AKAP13: variants seen among roughly 807,000 people sequenced by gnomAD.
AKAP13 encodes the protein A-kinase anchor protein 13.
AKAP13 carries 80 observed loss-of-function variants against 264.5 expected under a neutral mutation model. The observed-to-expected ratio is 0.30, with a 90% CI of 0.25 to 0.36. The LOEUF (loss-of-function observed/expected upper bound fraction) is 0.36. Ranked by LOEUF, AKAP13 falls within the 10% of genes least tolerant of loss-of-function variation. The pLI, the probability that AKAP13 is intolerant of heterozygous loss-of-function variation, is 1.00. For missense variants in AKAP13, 3,712 were observed against 3,435.2 expected, an observed-to-expected ratio of 1.08 and a Z score of -2.01; for synonymous variants, 1,380 against 1,250.2, an observed-to-expected ratio of 1.10 and a Z score of -2.19.
intron 5 of AKAP13, among the ~76,000 whole-genome samples, chr15:85,556,109 A>C (rs2151247154): frequency 6.6e-6 from 1 of 152,326 alleles, no homozygotes; most frequent in African/African-American, 2.4e-5. Flanking sequence ...TGGCCGTTTC[A>C]CTTACAGCTG....
At chr15:85,489,607 G>C (rs1385153296) in intron 2 of AKAP13, among the ~76,000 whole-genome samples, 1 of 152,156 alleles carries the variant, frequency 6.6e-6, no homozygotes, top group Non-Finnish European at 1.5e-5. Context: ...GATCATATTT[G>C]GGATCTGCCA....
intron 1 of AKAP13, among the ~76,000 whole-genome samples, chr15:85,420,102 C>T (rs1292685444): frequency 8.0e-5 from 12 of 150,894 alleles, no homozygotes; most frequent in South Asian, 2.1e-4. Flanking sequence ...CCACTACGCC[C>T]GGCTAATTTT....
chr15:85,606,678 G>C (rs1207891070), intron 8 of AKAP13, among the ~76,000 whole-genome samples: 6 of 152,180 alleles, frequency 3.9e-5, no homozygotes, highest in African/African-American at 1.4e-4. Flanking sequence ...CAGTTGAAGA[G>C]ATCTTAAAGA....
At chr15:85,739,098 T>G (rs2088769913) in intron 33 of AKAP13, among the ~76,000 whole-genome samples, 1 of 152,238 alleles carries the variant, frequency 6.6e-6, no homozygotes, top group Non-Finnish European at 1.5e-5. Flanking sequence ...GTCTTTGTGA[T>G]AGTTAACCGT....
intron 10 of AKAP13, among the ~76,000 whole-genome samples, chr15:85,650,791 C>CAAAAAAAAAAAAAAA (rs1191739643): frequency 3.1e-5 from 2 of 65,150 alleles, no homozygotes; most frequent in Non-Finnish European, 6.1e-5. Flanking sequence ...AAAAAAAAAA[C>CAAAAAAAAAAAAAAA]AACAAAAACT....
chr15:85,452,741 T>C, intron 1 of AKAP13, among the ~76,000 whole-genome samples: 1 of 152,184 alleles, frequency 6.6e-6, no homozygotes, highest in East Asian at 1.9e-4. Context: ...GTGGCTCCCC[T>C]ATGTTTCCTC....
At chr15:85,477,637 GA>G (rs1309806715) in intron 1 of AKAP13, among the ~76,000 whole-genome samples, 1,986 of 49,762 alleles carry the variant, frequency 0.04, 15 homozygotes, top group African/African-American at 0.07. Flanking sequence ...TTAAAAAAAG[GA>G]AAAAAAAAAA....
At chr15:85,682,024 A>AAGG (rs2151603729) in intron 14 of AKAP13, 134 bp from the exon 15 acceptor site, 2 of 749,790 alleles carry the variant, frequency 2.7e-6, no homozygotes, top group South Asian at 3.2e-5. Context: ...AAACCTTTAG[A>AAGG]AGGAGGAGGT....
intron 8 of AKAP13, among the ~76,000 whole-genome samples, chr15:85,588,315 C>A (rs1410943488): frequency 6.6e-6 from 1 of 152,170 alleles, no homozygotes; most frequent in Non-Finnish European, 1.5e-5. Context: ...GCCTGGGTGG[C>A]TACTTGTAAA....
intron 30 of AKAP13, among the ~76,000 whole-genome samples, chr15:85,733,878 T>C (rs913095785): frequency 6.1e-4 from 88 of 143,110 alleles, no homozygotes; most frequent in African/African-American, 1.3e-3. Context: ...CTTTTCTTTT[T>C]TTTTTTTTTT....
Position 85,662,156 on chromosome 15 carries a change from C to G in AKAP13, c.4800-2407C>G, listed in dbSNP as rs183499250. 3.0e-4 allele frequency among the ~76,000 whole-genome samples: 46 copies of G among 152,240 alleles called. 1 individual carries two copies. In the South Asian group the frequency reaches 8.7e-3, roughly 29 times the overall value. ...TTGAACTGGTGATACTGTAAAGAAC[C>G]CACAGTCTTTTTCCACAATGCTGTC... On this transcript the variant is annotated intron_variant, in intron 12 of 36. Transcript: ENST00000394518.
rs140056616 is a variant in AKAP13 at position 85,579,167 on chromosome 15, C to G, written c.1099C>G (p.Arg367Gly). The change falls in exon 7 of 37, where the codon CGT becomes GGT. Residue 367 changes from arginine (R) to glycine (G), a missense_variant. Transcript: ENST00000394518. ...CATAGTTGAGGAGGAGAATACAGAC[C>G]GTTCCTGTAGGAAGAAAAATAAAGG... is the stretch of plus-strand genomic sequence containing the variant. ...SSIVEEENTD[R>G]SCRKKNKGVE... is the part of the protein sequence containing the mutation. 1.0e-4 allele frequency: 164 copies of G among 1,614,108 alleles called. 1 individual carries two copies. The South Asian group carries it at 1.6e-3, about 16-fold the overall frequency.
intron 8 of AKAP13, among the ~76,000 whole-genome samples, chr15:85,630,770 C>T (rs1306414406): frequency 6.6e-6 from 1 of 151,832 alleles, no homozygotes; most frequent in African/African-American, 2.4e-5. Flanking sequence ...ACTGTGGTAG[C>T]TACAATAAGA....
At chr15:85,396,746 T>C (rs574866722) in intron 1 of AKAP13, among the ~76,000 whole-genome samples, 1 of 152,324 alleles carries the variant, frequency 6.6e-6, no homozygotes, top group East Asian at 1.9e-4. Flanking sequence ...TAGCCTGTTT[T>C]CCTTTCAGCA....
At chr15:85,611,722 G>C (rs551744271) in intron 8 of AKAP13, among the ~76,000 whole-genome samples, 1 of 152,138 alleles carries the variant, frequency 6.6e-6, no homozygotes, top group Non-Finnish European at 1.5e-5. Flanking sequence ...CTATTGTAGC[G>C]ACAATACACT....
In AKAP13 at chr15:85,744,995, A is replaced by AAGGCTGAAAGAGTGT. The variant is rs1461380688; in HGVS notation, c.*320_*334dup. On this transcript the variant is annotated 3_prime_UTR_variant, in exon 37 of 37. Coordinates refer to ENST00000394518, the MANE Select transcript of AKAP13 (RefSeq NM_007200.5). ...GTTTTGGACACGTCAGGAATTCCTA[A>AAGGCTGAAAGAGTGT]AGGCTGAAAGAGTGTATCCAAGTAA... The AAGGCTGAAAGAGTGT allele has an allele frequency of 3.9e-6, 1 of 253,722 alleles. No homozygotes were observed. Among genetic ancestry groups the AAGGCTGAAAGAGTGT allele is most frequent in the Non-Finnish European group, 7.6e-6 (1 of 132,224 alleles). The allele number at this position is 253,722 out of a possible 1,614,324, so 15.7% of individuals were successfully genotyped here.
chr15:85,645,765 T>C, intron 9 of AKAP13, 53 bp from the exon 10 acceptor site: 1 of 1,488,174 alleles, frequency 6.7e-7, no homozygotes, highest in East Asian at 2.4e-5. Context: ...TTTTGTTTTT[T>C]GGTTTTTTTG....
At chr15:85,396,767 A>G (rs1361541587) in intron 1 of AKAP13, among the ~76,000 whole-genome samples, 2 of 152,186 alleles carry the variant, frequency 1.3e-5, no homozygotes, top group African/African-American at 4.8e-5. Context: ...GAGTAATTGC[A>G]GAAATAGGAC....
intron 5 of AKAP13, among the ~76,000 whole-genome samples, chr15:85,566,750 C>G (rs1312601643): frequency 6.6e-6 from 1 of 150,658 alleles, no homozygotes; most frequent in African/African-American, 2.4e-5. Context: ...CCTCAGACTT[C>G]TGAGTAGCTG....
Sources: allele counts gnomAD v4.1 joint callset (sites outside exome capture counted in the v4.1 genomes callset), GRCh38; gene constraint gnomAD v4.1.1; transcripts MANE v1.5; gene names NCBI Gene and HGNC (gene_info 2026-07-23, HGNC 2026-07-21).